The following RBFOX1 variants were observed in gnomAD, a reference collection of about 807,000 sequenced individuals.
The protein encoded by RBFOX1 is RNA binding fox-1 homolog 1, also known as RNA binding protein fox-1 homolog 1.
In RBFOX1, 8 loss-of-function variants were observed where a neutral mutation model predicts 57.7. That is an observed-to-expected ratio of 0.14 (90% CI 0.08 to 0.25). The LOEUF (loss-of-function observed/expected upper bound fraction) is 0.25, where lower values mean the gene tolerates loss of function less well. RBFOX1 is among the 10% of genes least tolerant of loss of function. The probability of loss-of-function intolerance (pLI) is 1.00; values close to 1 mark genes in which losing one functional copy is unlikely to be tolerated. For synonymous variants in RBFOX1, 326 were observed against 222.4 expected (o/e 1.47, Z -4.15); for missense variants, 611 against 548.5 (o/e 1.11, Z -1.14).
chr16:6,515,409 G>T (rs559253153), intron 2 of RBFOX1, among the ~76,000 whole-genome samples: 42 of 152,268 alleles, frequency 2.8e-4, no homozygotes, highest in African/African-American at 9.1e-4. Flanking sequence ...ATGAGCCTGA[G>T]ATTTAGAGTC....
chr16:7,671,186 A>G (rs2071318062), intron 13 of RBFOX1, among the ~76,000 whole-genome samples: 1 of 152,252 alleles, frequency 6.6e-6, no homozygotes, highest in South Asian at 2.1e-4. Context: ...ATCCTTAGAT[A>G]TTCCAGAAAA....
chr16:5,775,427 C>G (rs947308708), intron 3 of RBFOX1, among the ~76,000 whole-genome samples: 1 of 152,206 alleles, frequency 6.6e-6, no homozygotes, highest in African/African-American at 2.4e-5. Flanking sequence ...GCAAGCCAGG[C>G]TAGGACTGCT....
intron 2 of RBFOX1, among the ~76,000 whole-genome samples, chr16:6,441,992 A>C (rs1056688802): frequency 2.6e-5 from 4 of 152,160 alleles, no homozygotes. Context: ...TGCCTGTGAG[A>C]GTCACTTTCT....
intron 4 of RBFOX1, among the ~76,000 whole-genome samples, chr16:7,334,351 G>A (rs4362406): frequency 0.15 from 22,570 of 151,998 alleles, 2,606 homozygotes; most frequent in African/African-American, 0.33. Flanking sequence ...GTATACACAG[G>A]CCGGTATGAT....
intron 3 of RBFOX1, among the ~76,000 whole-genome samples, chr16:6,848,435 G>A (rs1236830955): frequency 1.3e-5 from 2 of 152,262 alleles, no homozygotes; most frequent in South Asian, 2.1e-4. Context: ...CACTTCTGTT[G>A]ACCACACATG....
chr16:6,921,864 G>A (rs1353865916), intron 3 of RBFOX1, among the ~76,000 whole-genome samples: 4 of 151,982 alleles, frequency 2.6e-5, no homozygotes, highest in East Asian at 1.9e-4. Flanking sequence ...CAAGTCCCAG[G>A]TCTACCCATA....
chr16:6,192,153 C>T (rs192488067), intron 1 of RBFOX1, among the ~76,000 whole-genome samples: 154 of 152,168 alleles, frequency 1.0e-3, no homozygotes, highest in Non-Finnish European at 1.7e-3. Context: ...CCTTCCCCAT[C>T]GCAATTTAGT....
chr16:7,563,872 A>C (rs2091048330), intron 5 of RBFOX1, among the ~76,000 whole-genome samples: 1 of 152,160 alleles, frequency 6.6e-6, no homozygotes, highest in Non-Finnish European at 1.5e-5. Context: ...CCACTTTCTG[A>C]TAAGCAGACA....
At chr16:7,458,775 A>G (rs920857190) in intron 4 of RBFOX1, among the ~76,000 whole-genome samples, 1 of 152,200 alleles carries the variant, frequency 6.6e-6, no homozygotes, top group African/African-American at 2.4e-5. Context: ...CATTAAAATC[A>G]GACCCCCTCT....
chr16:6,447,009 C>G (rs1892515727), intron 2 of RBFOX1, among the ~76,000 whole-genome samples: 1 of 152,130 alleles, frequency 6.6e-6, no homozygotes, highest in Non-Finnish European at 1.5e-5. Flanking sequence ...CATTTTCACT[C>G]TTTGTCATTT....
chr16:6,597,280 C>G (rs1016094750), intron 2 of RBFOX1, among the ~76,000 whole-genome samples: 5 of 152,022 alleles, frequency 3.3e-5, no homozygotes, highest in African/African-American at 1.2e-4. Flanking sequence ...GTAATGTGTG[C>G]CAGTTTTATA....
At chr16:5,248,090 C>T (rs2062348936) in intron 1 of RBFOX1, among the ~76,000 whole-genome samples, 1 of 152,216 alleles carries the variant, frequency 6.6e-6, no homozygotes, top group Non-Finnish European at 1.5e-5. Flanking sequence ...TCTCACCTCG[C>T]ACAGCTTACA....
chr16:7,700,540 T>C (rs1322524894), intron 14 of RBFOX1, among the ~76,000 whole-genome samples: 2 of 152,182 alleles, frequency 1.3e-5, no homozygotes, highest in African/African-American at 4.8e-5. Flanking sequence ...GGGTAAAGTA[T>C]AGCTGGGGTG....
chr16:7,642,765 C>T lies in RBFOX1; in HGVS notation c.758-11050C>T, dbSNP rs996745717. Among the ~76,000 whole-genome samples the T allele has an allele frequency of 5.9e-5, 9 of 152,152 alleles. No homozygotes were observed. In the South Asian group the frequency reaches 1.5e-3, roughly 25 times the overall value. The stretch of plus-strand genomic sequence containing the variant: ...ATTTTGTTAAACTAATAGATGATGA[C>T]GAACTGCTGCATCCAAATTAAAATA... On this transcript the variant is annotated intron_variant, in intron 11 of 15. Transcript: ENST00000550418.
chr16:5,641,060 C>G (rs550673786), intron 3 of RBFOX1, among the ~76,000 whole-genome samples: 2 of 146,638 alleles, frequency 1.4e-5, no homozygotes, highest in East Asian at 4.2e-4. Context: ...GCACATACAC[C>G]CATGCACACC....
chr16:5,578,034 C>A (rs1041395390), intron 2 of RBFOX1, among the ~76,000 whole-genome samples: 15 of 152,228 alleles, frequency 9.9e-5, no homozygotes, highest in African/African-American at 3.6e-4. Flanking sequence ...TCACTGCCAC[C>A]TCCACCTTCC....
At chr16:7,355,887 C>T (rs781013142) in intron 4 of RBFOX1, among the ~76,000 whole-genome samples, 1 of 152,238 alleles carries the variant, frequency 6.6e-6, no homozygotes, top group African/African-American at 2.4e-5. Flanking sequence ...GCCCAGGCTT[C>T]TAGCTGCTGA....
intron 1 of RBFOX1, among the ~76,000 whole-genome samples, chr16:6,268,564 CTCTAG>C (rs2074822369): frequency 6.6e-6 from 1 of 152,168 alleles, no homozygotes; most frequent in Non-Finnish European, 1.5e-5. Context: ...CAAGGGTTTA[CTCTAG>C]TAAACCCTAC....
chr16:5,971,126 G>A (rs578193844), intron 4 of RBFOX1, among the ~76,000 whole-genome samples: 1 of 152,198 alleles, frequency 6.6e-6, no homozygotes, highest in Non-Finnish European at 1.5e-5. Flanking sequence ...CTGTCAACAC[G>A]TTTATTGAGG....
Sources: allele counts gnomAD v4.1 joint callset (sites outside exome capture counted in the v4.1 genomes callset), GRCh38; gene constraint gnomAD v4.1.1; transcripts MANE v1.5; gene names NCBI Gene and HGNC (gene_info 2026-07-23, HGNC 2026-07-21).